The following IGSF11 variants were observed in gnomAD, a reference collection of about 807,000 sequenced individuals.
The protein encoded by IGSF11 is immunoglobulin superfamily member 11, also known as CXADR like 1.
In IGSF11, 22 loss-of-function variants were observed where a neutral mutation model predicts 41.0. The observed-to-expected ratio is 0.54, with a 90% confidence interval of 0.38 to 0.77. The LOEUF (loss-of-function observed/expected upper bound fraction) is 0.77, where lower values mean the gene tolerates loss of function less well. Among genes scored for constraint, IGSF11 ranks in the 30% least tolerant of loss-of-function variants. The pLI is 0.00. For missense variants in IGSF11, 444 were observed against 530.8 expected (o/e 0.84, Z 1.61); for synonymous variants, 219 against 201.3 (o/e 1.09, Z -0.74).
At chr3:119,110,446 G>A (rs2077130797) in intron 1 of IGSF11, among the ~76,000 whole-genome samples, 1 of 152,256 alleles carries the variant, frequency 6.6e-6, no homozygotes, top group Non-Finnish European at 1.5e-5. Flanking sequence ...TTGCTTGGTA[G>A]ATCTTCCTCC....
chr3:119,060,441 A>G (rs1942017090), intron 1 of IGSF11, among the ~76,000 whole-genome samples: 1 of 152,202 alleles, frequency 6.6e-6, no homozygotes, highest in South Asian at 2.1e-4. Flanking sequence ...ATCAGTGTGT[A>G]GATCAGAACC....
chr3:118,917,858 A>G (rs1192003071), intron 4 of IGSF11, among the ~76,000 whole-genome samples: 8 of 146,960 alleles, frequency 5.4e-5, no homozygotes, highest in African/African-American at 1.7e-4. Context: ...AAAATCCTCA[A>G]TAAAATACTG....
chr3:119,026,598 G>C (rs1406404960), intron 1 of IGSF11, among the ~76,000 whole-genome samples: 1 of 151,938 alleles, frequency 6.6e-6, no homozygotes, highest in Non-Finnish European at 1.5e-5. Context: ...CCATTATGTA[G>C]TCACAGTTAA....
intron 1 of IGSF11, among the ~76,000 whole-genome samples, chr3:119,141,043 A>T (rs76094246): frequency 6.4e-4 from 1 of 1,570 alleles, no homozygotes; most frequent in African/African-American, 1.4e-3. Context: ...CTGTCTCATT[A>T]AAAAAAAAAA....
chr3:118,956,529 G>A (rs1019821767), intron 1 of IGSF11, among the ~76,000 whole-genome samples: 4 of 152,080 alleles, frequency 2.6e-5, no homozygotes, highest in African/African-American at 9.7e-5. Context: ...ATATTGTTTT[G>A]TCTCAGGGAA....
chr3:119,078,429 T>C (rs902879389), intron 1 of IGSF11, among the ~76,000 whole-genome samples: 1 of 152,142 alleles, frequency 6.6e-6, no homozygotes, highest in Admixed American at 6.5e-5. Context: ...CCTACAACTG[T>C]CTAATCTTTG....
At chr3:118,979,421 T>C (rs1934473017) in intron 1 of IGSF11, among the ~76,000 whole-genome samples, 1 of 152,076 alleles carries the variant, frequency 6.6e-6, no homozygotes, top group Non-Finnish European at 1.5e-5. Context: ...TCCAAATAGG[T>C]ACAATGTAAA....
chr3:118,929,070 A>G (rs940807152), intron 2 of IGSF11, among the ~76,000 whole-genome samples: 4 of 152,228 alleles, frequency 2.6e-5, no homozygotes, highest in Non-Finnish European at 5.9e-5. Context: ...TCTCATGCTT[A>G]TTAGGTCACA....
chr3:119,032,520 G>A (rs2107736548), intron 1 of IGSF11, among the ~76,000 whole-genome samples: 1 of 152,094 alleles, frequency 6.6e-6, no homozygotes, highest in African/African-American at 2.4e-5. Context: ...CTACTATCTT[G>A]CCCCCAACTA....
intron 1 of IGSF11, among the ~76,000 whole-genome samples, chr3:119,030,381 A>G (rs1940280512): frequency 6.6e-6 from 1 of 152,174 alleles, no homozygotes; most frequent in Admixed American, 6.5e-5. Flanking sequence ...GATGCGGTAG[A>G]TCATTGGCTG....
intron 1 of IGSF11, among the ~76,000 whole-genome samples, chr3:118,997,276 C>G (rs183549059): frequency 1.3e-5 from 2 of 152,290 alleles, no homozygotes; most frequent in Admixed American, 1.3e-4. Context: ...GTAAACAGGA[C>G]TAAGACTATT....
chr3:118,937,177 T>A (rs995761000), intron 1 of IGSF11, among the ~76,000 whole-genome samples: 3 of 152,226 alleles, frequency 2.0e-5, no homozygotes, highest in Non-Finnish European at 4.4e-5. Flanking sequence ...CTGCCTAAAA[T>A]GTCAATATCA....
intron 1 of IGSF11, among the ~76,000 whole-genome samples, chr3:118,993,729 T>C (rs1936008856): frequency 1.3e-5 from 2 of 152,072 alleles, no homozygotes; most frequent in Non-Finnish European, 2.9e-5. Context: ...TTGAAAACAT[T>C]ATATAAAGTG....
intron 1 of IGSF11, among the ~76,000 whole-genome samples, chr3:119,074,333 T>C (rs1286177284): frequency 6.6e-6 from 1 of 151,494 alleles, no homozygotes; most frequent in African/African-American, 2.4e-5. Context: ...CACAGTGCAA[T>C]AAAAAAAGAA....
At chr3:119,070,249 A>G (rs928780283) in intron 1 of IGSF11, among the ~76,000 whole-genome samples, 2 of 152,216 alleles carry the variant, frequency 1.3e-5, no homozygotes, top group Admixed American at 1.3e-4. Context: ...TGAAAACTGA[A>G]AACAAAAATA....
At chr3:119,083,529 CACACACAA>C (rs796168131) in intron 1 of IGSF11, among the ~76,000 whole-genome samples, 32 of 56,184 alleles carry the variant, frequency 5.7e-4, no homozygotes, top group Admixed American at 1.1e-3. Flanking sequence ...CACACACACA[CACACACAA>C]ACACACACAC....
At chr3:119,027,967 A>C (rs1183754886) in intron 1 of IGSF11, among the ~76,000 whole-genome samples, 1 of 152,202 alleles carries the variant, frequency 6.6e-6, no homozygotes, top group African/African-American at 2.4e-5. Flanking sequence ...ACAGTACTGC[A>C]GCCTCTGTTT....
chr3:118,997,489 C>T (rs1252102952), intron 1 of IGSF11, among the ~76,000 whole-genome samples: 1 of 152,036 alleles, frequency 6.6e-6, no homozygotes, highest in African/African-American at 2.4e-5. Flanking sequence ...CTGTGATTTG[C>T]TCACTTTCTT....
At chr3:119,027,374 G>C (rs73185830) in intron 1 of IGSF11, among the ~76,000 whole-genome samples, 3,738 of 152,220 alleles carry the variant, frequency 0.025, 60 homozygotes, top group South Asian at 0.078. Context: ...ATCAGTGTGA[G>C]ACCAGATATT....
Sources: allele counts gnomAD v4.1 joint callset (sites outside exome capture counted in the v4.1 genomes callset), GRCh38; gene constraint gnomAD v4.1.1; transcripts MANE v1.5; gene names NCBI Gene and HGNC (gene_info 2026-07-23, HGNC 2026-07-21).